The following LAMA4 variants were observed in gnomAD, a reference collection of about 807,000 sequenced individuals.
LAMA4 encodes laminin subunit alpha 4, also known as laminin subunit alpha-4.
A neutral mutation model predicts 207.1 loss-of-function variants in LAMA4; 127 were observed. The observed-to-expected ratio is 0.61, with a 90% CI of 0.53 to 0.71. The LOEUF is 0.71. LAMA4 is among the 30% of genes least tolerant of loss of function. The pLI, the probability that LAMA4 is intolerant of heterozygous loss-of-function variation, is 0.00. For missense variants in LAMA4, 2,093 were observed against 2,246.5 expected, an observed-to-expected ratio of 0.93 and a Z score of 1.38; for synonymous variants, 761 against 816.0, an observed-to-expected ratio of 0.93 and a Z score of 1.15.
chr6:112,198,770 G>C (rs896434372), intron 5 of LAMA4, among the ~76,000 whole-genome samples: 4 of 152,116 alleles, frequency 2.6e-5, no homozygotes, highest in Non-Finnish European at 5.9e-5. Context: ...ATCGGCAGTG[G>C]CAGAAGTTGG....
At chr6:112,206,339 G>A (rs1048565168) in intron 4 of LAMA4, among the ~76,000 whole-genome samples, 1 of 152,108 alleles carries the variant, frequency 6.6e-6, no homozygotes, top group East Asian at 1.9e-4. Flanking sequence ...ACACCCAGTT[G>A]GTGTCAGAGA....
intron 3 of LAMA4, among the ~76,000 whole-genome samples, chr6:112,207,970 A>G (rs1784159363): frequency 6.6e-6 from 1 of 152,170 alleles, no homozygotes; most frequent in Admixed American, 6.5e-5. Context: ...TATTGCCATT[A>G]ACTCGAACGG....
Position 112,254,291 on chromosome 6 carries a change from G to A in LAMA4, c.-141C>T. ...TCCCGAGGTGGCTGCGCAACCAGCA[G>A]CTTAGGAAATAAAGGGAAAGTGCGA... On this transcript the variant is annotated splice_region_variant and 5_prime_UTR_variant, in exon 2 of 39. Coordinates refer to ENST00000230538, the MANE Select transcript of LAMA4 (RefSeq NM_001105206.3). The A allele has an allele frequency of 9.9e-7, 1 of 1,013,104 alleles. No individual in the cohort carries two copies. Among genetic ancestry groups the A allele is most frequent in the Admixed American group, 2.0e-5 (1 of 49,366 alleles). 62.8% of individuals were successfully genotyped at this position (1,013,104 alleles called of 1,614,324 possible).
intron 7 of LAMA4, among the ~76,000 whole-genome samples, chr6:112,187,807 C>T (rs1266047875): frequency 9.9e-5 from 15 of 152,162 alleles, no homozygotes; most frequent in African/African-American, 3.6e-4. Flanking sequence ...CTCCTCCTCT[C>T]CTATTAGCTT....
chr6:112,153,111 C>T (rs1430089404), intron 16 of LAMA4, among the ~76,000 whole-genome samples: 1 of 151,962 alleles, frequency 6.6e-6, no homozygotes, highest in Non-Finnish European at 1.5e-5. Context: ...GTAGAAGATT[C>T]ATTTAAATAG....
chr6:112,162,330 G>GCT (rs1781102118), intron 13 of LAMA4: 1 of 152,014 alleles, frequency 6.6e-6, no homozygotes, highest in Non-Finnish European at 1.5e-5. Context: ...AAATTAGCCG[G>GCT]GCATGGTGGT....
rs1554334944 is a variant in LAMA4, at chr6:112,148,178, C to T, written c.2332G>A (p.Val778Met). 2 of 1,614,138 alleles carry T rather than the reference C, an allele frequency of 1.2e-6. No individual in the cohort carries two copies. The highest frequency in any genetic ancestry group is 1.7e-6 in the Non-Finnish European group (2 of 1,179,972). Reference sequence around the variant, plus strand: ...ATACCTGCATCCCTAGCAGAGTTCACTGCAGTGTTGTAAGCAGAAGAGTCA... The same window carrying T: ...ATACCTGCATCCCTAGCAGAGTTCATTGCAGTGTTGTAAGCAGAAGAGTCA... ...HFDSSAYNTA[V>M]NSARDAVRNL... is the part of the protein sequence containing the mutation. The change falls in exon 18 of 39, where the codon GTG becomes ATG. Residue 778 changes from valine to methionine, a missense_variant. Around this residue, in one of 3 missense-constraint regions of LAMA4, gnomAD observed 1,704 missense variants for 1,788.4 expected, o/e 0.95. Transcript: ENST00000230538.
At chr6:112,127,160 T>C (rs1554327925) in intron 31 of LAMA4, among the ~76,000 whole-genome samples, 1 of 152,044 alleles carries the variant, frequency 6.6e-6, no homozygotes, top group African/African-American at 2.4e-5. Context: ...TTATTATATG[T>C]CAGGGAACAA....
chr6:112,134,347 G>GCCTGTC, intron 26 of LAMA4, 120 bp downstream of exon 26: 1 of 938,476 alleles, frequency 1.1e-6, no homozygotes, highest in East Asian at 2.5e-5. Context: ...GTGTACCTGT[G>GCCTGTC]CCTGTCCCTG....
At chr6:112,126,745 T>C (rs1778714605) in intron 31 of LAMA4, among the ~76,000 whole-genome samples, 1 of 152,216 alleles carries the variant, frequency 6.6e-6, no homozygotes, top group Non-Finnish European at 1.5e-5. Context: ...CCTGAAAAGA[T>C]GTTCAACCTC....
Position 112,254,525 on chromosome 6 carries a change from G to A in LAMA4, c.-208C>T. 5.6e-6 allele frequency: 2 copies of A among 355,788 alleles called. No individual in the cohort carries two copies. Among genetic ancestry groups the A allele is most frequent in the Non-Finnish European group, 1.1e-5 (2 of 185,552 alleles). 22.0% of individuals were successfully genotyped at this position (355,788 alleles called of 1,614,324 possible). ...CAGCGCTAGGCCACCTCCTCTCCCTGGCCGTTCGGGACTGGGGACTGCGCT... is the reference window on the plus strand; with the variant it reads ...CAGCGCTAGGCCACCTCCTCTCCCTAGCCGTTCGGGACTGGGGACTGCGCT... On this transcript the variant is annotated 5_prime_UTR_variant, in exon 1 of 39. Coordinates refer to ENST00000230538, the MANE Select transcript of LAMA4 (RefSeq NM_001105206.3).
At chr6:112,221,087 C>T (rs977941675) in intron 2 of LAMA4, among the ~76,000 whole-genome samples, 4 of 152,088 alleles carry the variant, frequency 2.6e-5, no homozygotes, top group African/African-American at 9.7e-5. Context: ...TTTAAACAAA[C>T]CAACAATGGC....
chr6:112,181,588 C>T (rs1213704807), intron 9 of LAMA4, among the ~76,000 whole-genome samples: 1 of 152,186 alleles, frequency 6.6e-6, no homozygotes, highest in African/African-American at 2.4e-5. Context: ...TCTCAATATA[C>T]AGGCCAATAC....
At chr6:112,136,754 T>C (rs988897907) in intron 24 of LAMA4, among the ~76,000 whole-genome samples, 1 of 151,376 alleles carries the variant, frequency 6.6e-6, no homozygotes, top group African/African-American at 2.4e-5. Flanking sequence ...TATTAATACA[T>C]AAAAGTTAAT....
rs186040334 is a variant in LAMA4 at position 112,133,807 on chromosome 6, A to G, written c.3558-320T>C. ...TAGCAGACGATTATTAGGTTGAATC[A>G]TAGGAACTAACATGTTACACAGAAA... On this transcript the variant is annotated intron_variant, in intron 26 of 38. Coordinates refer to ENST00000230538, the MANE Select transcript of LAMA4 (RefSeq NM_001105206.3). Among the ~76,000 whole-genome samples, 111 of 152,366 alleles carry G rather than the reference A, an allele frequency of 7.3e-4. 1 individual carries two copies. Among genetic ancestry groups the G allele is most frequent in the East Asian group, 9.6e-4 (5 of 5,194 alleles).
At chr6:112,150,310 G>A (rs1780315584) in intron 17 of LAMA4, 4 of 606,686 alleles carry the variant, frequency 6.6e-6, no homozygotes, top group Non-Finnish European at 1.2e-5. Context: ...ACCTCTACGT[G>A]GTGTGATTAC....
chr6:112,236,875 G>C (rs1554366239), intron 2 of LAMA4: 1 of 152,214 alleles, frequency 6.6e-6, no homozygotes, highest in African/African-American at 2.4e-5. Flanking sequence ...CGAGAAAGGA[G>C]AGAGTAAGAC....
At chr6:112,130,218 T>A in intron 29 of LAMA4, 178 bp from the exon 30 acceptor site, 1 of 609,262 alleles carries the variant, frequency 1.6e-6, no homozygotes, top group East Asian at 2.8e-5. Context: ...TATTTCTATA[T>A]GCAAAAAAGA....
intron 28 of LAMA4, among the ~76,000 whole-genome samples, chr6:112,131,839 C>T (rs1184365941): frequency 6.6e-6 from 1 of 152,088 alleles, no homozygotes; most frequent in African/African-American, 2.4e-5. Context: ...AAGCTGCTTT[C>T]AGAAGTTATG....
Sources: gnomAD v4.1 joint callset for allele counts (sites outside exome capture counted in the v4.1 genomes callset) on GRCh38, gnomAD v4.1.1 for gene constraint, gnomAD v4.1.1 regional missense constraint, MANE v1.5 for transcripts, NCBI Gene and HGNC (gene_info 2026-07-23, HGNC 2026-07-21) for gene names.